BRME1: variants seen among roughly 807,000 people sequenced by gnomAD.
BRME1 encodes the protein BRCA2 and MEILB2-associating protein 1.
Under a neutral mutation model 52.6 loss-of-function variants are expected in BRME1, and 31 were observed. The ratio of observed to expected loss-of-function variants is 0.59; its 90% confidence interval spans 0.44 to 0.80. BRME1 has a LOEUF of 0.80. Among genes scored for constraint, BRME1 ranks in the 30% least tolerant of loss-of-function variants. BRME1 has a pLI of 0.00. For missense variants in BRME1, 804 were observed against 860.3 expected (o/e 0.93, Z 0.82); for synonymous variants, 359 against 353.6 (o/e 1.02, Z -0.17).
At chr19:13,894,245 C>T (rs1969719870) in intron 3 of BRME1, among the ~76,000 whole-genome samples, 1 of 152,148 alleles carries the variant, frequency 6.6e-6, no homozygotes, top group African/African-American at 2.4e-5. Context: ...TAAATAAGGG[C>T]CAGGCGTGGT....
rs1969268653 is a variant in BRME1 at position 13,889,268 on chromosome 19, C to CT, written c.1587dup (p.Ala530SerfsTer20). ...TCCAGCAGGAAGTCGAGTTCCACAG[C>CT]TAAAGAGTCTGCCCAGGTGCCCTGG... On this transcript the variant is annotated frameshift_variant, in exon 6 of 9. Transcript: ENST00000586783. LOFTEE classifies it high-confidence loss of function. The CT allele has an allele frequency of 6.2e-7, 1 of 1,613,946 alleles. No homozygotes were observed. Among genetic ancestry groups the CT allele is most frequent in the Admixed American group, 1.7e-5 (1 of 60,000 alleles).
At chr19:13,905,339 T>A (rs554622888) in intron 1 of BRME1, among the ~76,000 whole-genome samples, 3 of 151,876 alleles carry the variant, frequency 2.0e-5, no homozygotes, top group African/African-American at 7.2e-5. Context: ...AAACCCCCTC[T>A]CTATTAAAAA....
chr19:13,894,419 G>C (rs1406468867), intron 3 of BRME1, among the ~76,000 whole-genome samples: 1 of 152,162 alleles, frequency 6.6e-6, no homozygotes, highest in Admixed American at 6.6e-5. Context: ...CAGCTACTCA[G>C]GAGGCTGAGG....
At chr19:13,899,392 C>A (rs1347197283) in intron 2 of BRME1, among the ~76,000 whole-genome samples, 8 of 152,140 alleles carry the variant, frequency 5.3e-5, no homozygotes. Flanking sequence ...CTCAAGTGAT[C>A]TGTCTGCCTT....
intron 5 of BRME1, among the ~76,000 whole-genome samples, chr19:13,891,135 T>TTTTTTATTATTATTATTA (rs59151567): frequency 0.021 from 3,044 of 146,624 alleles, 52 homozygotes; most frequent in African/African-American, 0.042. Context: ...CAATTTCCTG[T>TTTTTTATTATTATTATTA]TTATTATTAT....
intron 2 of BRME1, among the ~76,000 whole-genome samples, chr19:13,904,527 G>A (rs981029256): frequency 7.9e-5 from 12 of 151,808 alleles, no homozygotes; most frequent in African/African-American, 7.3e-5. Flanking sequence ...CTGCAACATC[G>A]GACTCCCAGG....
chr19:13,891,455 ATTATTT>A (rs1212372593), intron 5 of BRME1, among the ~76,000 whole-genome samples: 2 of 142,840 alleles, frequency 1.4e-5, no homozygotes, highest in Admixed American at 7.1e-5. Context: ...AGCGGCTATT[ATTATTT>A]TTATTATTTA....
At chr19:13,890,832 C>A (rs1488069836) in intron 5 of BRME1, among the ~76,000 whole-genome samples, 1 of 152,020 alleles carries the variant, frequency 6.6e-6, no homozygotes, top group African/African-American at 2.4e-5. Context: ...GGACTGCACT[C>A]CAGCCTGGAC....
Position 13,900,342 on chromosome 19 carries a change from G to A in BRME1, c.31+4520C>T, listed in dbSNP as rs575020111. Among the ~76,000 whole-genome samples the A allele has an allele frequency of 6.6e-5, 10 of 152,286 alleles. No homozygotes were observed. The South Asian group carries it at 2.1e-3, about 32-fold the overall frequency. The stretch of plus-strand genomic sequence containing the variant: ...ACACAGAAAGGGTTGTCCAGGGCCA[G>A]CCCAGAGGTCCACTGAGCTGGGGAG... On this transcript the variant is annotated intron_variant, in intron 2 of 8. Coordinates refer to ENST00000586783, the MANE Select transcript of BRME1 (RefSeq NM_001345843.2).
intron 2 of BRME1, among the ~76,000 whole-genome samples, chr19:13,900,775 G>A (rs757166692): frequency 6.6e-6 from 1 of 150,920 alleles, no homozygotes; most frequent in African/African-American, 2.4e-5. Context: ...GGGCTCAAGC[G>A]AGTCTCGTGT....
At chr19:13,905,653 G>A (rs1166113654) in intron 1 of BRME1, 62 bp downstream of exon 1, 2 of 152,364 alleles carry the variant, frequency 1.3e-5, no homozygotes, top group African/African-American at 4.8e-5. Flanking sequence ...GTCCTTGGAG[G>A]GGAAAGAGCT....
rs143252964 is a variant in BRME1, at chr19:13,889,258, A to G, written c.1598T>C (p.Leu533Pro). 1 of 1,613,784 alleles carries G rather than the reference A, an allele frequency of 6.2e-7. No individual in the cohort carries two copies. The highest frequency in any genetic ancestry group is 1.3e-5 in the African/African-American group (1 of 74,932). The change falls in exon 6 of 9, where the codon CTC becomes CCC. Residue 533 changes from leucine (L) to proline (P), a missense_variant. Coordinates refer to ENST00000586783, the MANE Select transcript of BRME1 (RefSeq NM_001345843.2). Reference sequence around the variant, plus strand: ...TATCTGGCTGTCCAGCAGGAAGTCGAGTTCCACAGCTAAAGAGTCTGCCCA... The same window carrying G: ...TATCTGGCTGTCCAGCAGGAAGTCGGGTTCCACAGCTAAAGAGTCTGCCCA... ...GTWADSLAVELDFLLDSQIQD... is the reference protein window; with the variant it reads ...GTWADSLAVEPDFLLDSQIQD...
At chr19:13,886,992 T>C (rs1413779484) in intron 6 of BRME1, among the ~76,000 whole-genome samples, 1 of 152,110 alleles carries the variant, frequency 6.6e-6, no homozygotes, top group African/African-American at 2.4e-5. Flanking sequence ...AATGACTCCA[T>C]ATGCAGATTG....
Position 13,883,121 on chromosome 19 carries a change from G to T in BRME1, c.1857-169C>A, listed in dbSNP as rs1968760139. 6.6e-6 allele frequency among the ~76,000 whole-genome samples: 1 copy of T among 151,040 alleles called. No individual in the cohort carries two copies. Among genetic ancestry groups the T allele is most frequent in the South Asian group, 2.1e-4 (1 of 4,780 alleles). ...TGTAGCACAGGCTGGGCCTGTTGCA[G>T]CCTTTCTTCAGAGCCTGTGTTCTGC... is the stretch of plus-strand genomic sequence containing the variant. On this transcript the variant is annotated intron_variant, in intron 8 of 8. Transcript: ENST00000586783. The surrounding 1 kb of genome is among the most constrained non-coding windows in gnomAD (Gnocchi z 4.2).
chr19:13,883,393 C>A lies in BRME1; in HGVS notation c.1771G>T (p.Val591Leu), dbSNP rs575810255. 3.9e-6 allele frequency: 6 copies of A among 1,533,574 alleles called. No homozygotes were observed. The highest frequency in any genetic ancestry group is 1.7e-4 in the Middle Eastern group (1 of 5,982). 95.0% of individuals were successfully genotyped at this position (1,533,574 alleles called of 1,614,324 possible). ...AVAKAQPRTF[V>L]GIQASEASRM... is the part of the protein sequence containing the mutation. The stretch of plus-strand genomic sequence containing the variant: ...GAGGCCTCAGAGGCCTGGATCCCCA[C>A]GAAGGTCCTGGCCAGCAGGGAAGGA... The change falls in exon 8 of 9, where the codon GTG (valine) becomes TTG (leucine). Residue 591 changes from valine to leucine, a missense_variant. Val to Leu is a conservative substitution (Grantham distance 32, BLOSUM62 1). This residue lies in a region of BRME1 where 552 missense variants were observed against 561.1 expected (regional missense o/e 0.98). Coordinates refer to ENST00000586783, the MANE Select transcript of BRME1 (RefSeq NM_001345843.2). The surrounding 1 kb of genome is among the most constrained non-coding windows in gnomAD (Gnocchi z 4.2).
At chr19:13,893,269 T>TG in intron 3 of BRME1, 46 bp from the exon 4 acceptor site, 1 of 1,509,972 alleles carries the variant, frequency 6.6e-7, no homozygotes, top group Non-Finnish European at 9.0e-7. Context: ...CCGGGTGCGG[T>TG]GGCTCACACC....
chr19:13,887,340 A>G (rs1277986626), intron 6 of BRME1, among the ~76,000 whole-genome samples: 2 of 152,202 alleles, frequency 1.3e-5, no homozygotes, highest in Non-Finnish European at 2.9e-5. Context: ...TGTCAAAGCC[A>G]AACACGCCCA....
chr19:13,883,818 A>G lies in BRME1; in HGVS notation c.1764-418T>C, dbSNP rs1409650060. On this transcript the variant is annotated intron_variant, in intron 7 of 8. Transcript: ENST00000586783. The surrounding 1 kb of genome is among the most constrained non-coding windows in gnomAD (Gnocchi z 4.2). The stretch of plus-strand genomic sequence containing the variant: ...CTCTAGCCACACTAGACTCCTGGCC[A>G]TTCCTTGAGCACCTCTCAGGATTCT... Among the ~76,000 whole-genome samples the G allele has an allele frequency of 7.3e-6, 1 of 137,570 alleles. No individual in the cohort carries two copies. Among genetic ancestry groups the G allele is most frequent in the Admixed American group, 7.8e-5 (1 of 12,894 alleles). The allele number at this position is 137,570 out of a possible 152,430, so 90.3% of individuals were successfully genotyped here. A position where few individuals can be genotyped will look rare whatever the true frequency, so the allele number is the denominator to read the frequency against.
At chr19:13,892,761 A>G (rs1969595017) in intron 5 of BRME1, 25 bp downstream of exon 5, 1 of 1,597,578 alleles carries the variant, frequency 6.3e-7, no homozygotes, top group South Asian at 1.1e-5. Flanking sequence ...CGCTGGGCTC[A>G]GCCTGGCTGA....
Sources: gnomAD v4.1 joint callset for allele counts (sites outside exome capture counted in the v4.1 genomes callset) on GRCh38, gnomAD v4.1.1 for gene constraint, gnomAD v4.1.1 regional missense constraint, Gnocchi (gnomAD v3.1) non-coding constraint, MANE v1.5 for transcripts, NCBI Gene and HGNC (gene_info 2026-07-23, HGNC 2026-07-21) for gene names.